The following PRR18 variants were observed in gnomAD, a reference collection of about 807,000 sequenced individuals.
PRR18 encodes the protein proline rich 18, also known as proline-rich protein 18.
For synonymous variants in PRR18, 228 were observed against 220.2 expected, an observed-to-expected ratio of 1.04 and a Z score of -0.32; for missense variants, 517 against 437.4, an observed-to-expected ratio of 1.18 and a Z score of -1.62.
chr6:166,307,736 C>A lies in PRR18; in HGVS notation c.407G>T (p.Cys136Phe). The change falls in exon 1 of 1, where the codon TGC (cysteine) becomes TTC (phenylalanine). Residue 136 changes from cysteine (C) to phenylalanine (F), a missense_variant. Physicochemically the swap from Cys to Phe is radical, Grantham distance 205. Coordinates refer to ENST00000322583, the MANE Select transcript of PRR18 (RefSeq NM_175922.4). ...GACGGCCTCGGGGGTGAGATTCAGG[C>A]AGAAGCGCGCAGCGGAGTCTGGACA... is the stretch of plus-strand genomic sequence containing the variant. ...GPCPDSAARF[C>F]LNLTPEAVLV... 6.6e-7 allele frequency: 1 copy of A among 1,522,396 alleles called. No homozygotes were observed. The highest frequency in any genetic ancestry group is 1.4e-5 in the African/African-American group (1 of 69,822). The allele number at this position is 1,522,396 out of a possible 1,614,324, so 94.3% of individuals were successfully genotyped here. A position where few individuals can be genotyped will look rare whatever the true frequency, so the allele number is the denominator to read the frequency against.
In PRR18 at chr6:166,308,200, C is replaced by G; in HGVS notation, c.-58G>C. On this transcript the variant is annotated 5_prime_UTR_variant, in exon 1 of 1. Coordinates refer to ENST00000322583, the MANE Select transcript of PRR18 (RefSeq NM_175922.4). ...GGAAAGAGAGGCGGGCGCTCAGCCA[C>G]TGTGCGCGGAGCGGGTCCCCGCAGT... 2 of 1,225,284 alleles carry G rather than the reference C, an allele frequency of 1.6e-6. No individual in the cohort carries two copies. Among genetic ancestry groups the G allele is most frequent in the Non-Finnish European group, 2.0e-6 (2 of 981,882 alleles). 75.9% of individuals were successfully genotyped at this position (1,225,284 alleles called of 1,614,324 possible).
In PRR18 at chr6:166,307,513, G is replaced by C. The variant is rs1046023754; in HGVS notation, c.630C>G (p.Pro210=). ...TAGQGRRAPP[P]GAQLLHGGLQ... ...GGCCGCCGTGCAGCAGCTGGGCGCC[G>C]GGCGGAGGCGCGCGGCGGCCCTGGC... is the stretch of plus-strand genomic sequence containing the variant. The change falls in exon 1 of 1, where the codon CCC becomes CCG. Residue 210 remains proline (P), a synonymous_variant. Transcript: ENST00000322583. 1 of 1,242,778 alleles carries C rather than the reference G, an allele frequency of 8.0e-7. No homozygotes were observed. The highest frequency in any genetic ancestry group is 1.0e-6 in the Non-Finnish European group (1 of 995,076). The allele number at this position is 1,242,778 out of a possible 1,614,324, so 77.0% of individuals were successfully genotyped here.
At position 166,307,409 on chromosome 6, in the gene PRR18, C is replaced by A; in HGVS notation, c.734G>T (p.Arg245Met). Reference protein sequence around the residue: ...LKVSLLNERHRYDDVEYEEEP... With the variant: ...LKVSLLNERHMYDDVEYEEEP... ...CTCCTCGTACTCCACGTCGTCGTAC[C>A]TGTGCCGCTCGTTGAGCAGCGACAC... The change falls in exon 1 of 1, where the codon AGG becomes ATG. Residue 245 changes from arginine to methionine, a missense_variant. By Grantham distance (91) the Arg-to-Met change is moderately conservative (BLOSUM62 -1). Transcript: ENST00000322583. 2 of 1,562,508 alleles carry A rather than the reference C, an allele frequency of 1.3e-6. No homozygotes were observed. The highest frequency in any genetic ancestry group is 2.5e-5 in the East Asian group (1 of 39,376).
In PRR18 at chr6:166,306,463, A is replaced by C. The variant is rs1412388124; in HGVS notation, c.*792T>G. On this transcript the variant is annotated 3_prime_UTR_variant, in exon 1 of 1. Coordinates refer to ENST00000322583, the MANE Select transcript of PRR18 (RefSeq NM_175922.4). Reference sequence around the variant, plus strand: ...TCAGATACATGGAAGAAATATGTAGAAATCAGCCTCCAGTTAGCGGGGGAA... The same window carrying C: ...TCAGATACATGGAAGAAATATGTAGCAATCAGCCTCCAGTTAGCGGGGGAA... The C allele has an allele frequency of 6.6e-6, 1 of 152,118 alleles. No homozygotes were observed. The highest frequency in any genetic ancestry group is 2.4e-5 in the African/African-American group (1 of 41,350). 9.4% of individuals were successfully genotyped at this position (152,118 alleles called of 1,614,324 possible).
At position 166,307,916 on chromosome 6, in the gene PRR18, G is replaced by T; in HGVS notation, c.227C>A (p.Ser76Tyr). 5 of 1,225,030 alleles carry T rather than the reference G, an allele frequency of 4.1e-6. No homozygotes were observed. Among genetic ancestry groups the T allele is most frequent in the Non-Finnish European group, 5.1e-6 (5 of 981,538 alleles). The allele number at this position is 1,225,030 out of a possible 1,614,324, so 75.9% of individuals were successfully genotyped here. Residue 76 changes from serine to tyrosine, a missense_variant, in exon 1 of 1, where the codon TCC becomes TAC. Ser to Tyr is a moderately radical substitution (Grantham distance 144). Transcript: ENST00000322583. ...CGCGCGGCTGGGCAAGGCCTGGGGG[G>T]AGACGCCCGGAGGGGCCGGCGGCTG... Reference protein sequence around the residue: ...RTQPPAPPGVSPQALPSRARA... With the variant: ...RTQPPAPPGVYPQALPSRARA...
In PRR18 at chr6:166,308,276, T is replaced by G; in HGVS notation, c.-134A>C. 3 of 871,552 alleles carry G rather than the reference T, an allele frequency of 3.4e-6. No homozygotes were observed. Among genetic ancestry groups the G allele is most frequent in the Non-Finnish European group, 3.0e-6 (2 of 659,730 alleles). 54.0% of individuals were successfully genotyped at this position (871,552 alleles called of 1,614,324 possible). On this transcript the variant is annotated 5_prime_UTR_variant, in exon 1 of 1. Transcript: ENST00000322583. ...GCGTCCAGCCGCGGCCTCTCCGGCT[T>G]CCTCACATCCCAGCGACCAAACCCG... is the stretch of plus-strand genomic sequence containing the variant.
chr6:166,307,448 C>T lies in PRR18; in HGVS notation c.695G>A (p.Arg232Gln). The T allele has an allele frequency of 1.9e-6, 3 of 1,541,020 alleles. No individual in the cohort carries two copies. The highest frequency in any genetic ancestry group is 2.6e-6 in the Non-Finnish European group (3 of 1,152,954). ...PQLSPRPGAL[R>Q]PMLKVSLLNE... ...GAGCAGCGACACCTTGAGCATCGGC[C>T]GCAGGGCCCCGGGCCGCGGGCTGAG... is the stretch of plus-strand genomic sequence containing the variant. The change falls in exon 1 of 1, where the codon CGG becomes CAG. Residue 232 changes from arginine to glutamine, a missense_variant. By Grantham distance (43) the Arg-to-Gln change is conservative (BLOSUM62 1). Transcript: ENST00000322583.
At position 166,307,623 on chromosome 6, in the gene PRR18, G is replaced by A. The variant is rs1778123098; in HGVS notation, c.520C>T (p.Leu174=). The change falls in exon 1 of 1, where the codon CTA becomes TTA. Residue 174 remains leucine (L), a synonymous_variant. Transcript: ENST00000322583. ...CTAGCCGGGAGACACGGGGCGAGTA[G>A]GCGCCTGGGTTCGGCCGAGGGTGAG... ...FPSPSAEPRR[L]LAPCLPARAA... 2.2e-6 allele frequency: 3 copies of A among 1,348,686 alleles called. No homozygotes were observed. The highest frequency in any genetic ancestry group is 2.9e-6 in the Non-Finnish European group (3 of 1,044,320). 83.5% of individuals were successfully genotyped at this position (1,348,686 alleles called of 1,614,324 possible).
Position 166,307,856 on chromosome 6 carries a change from G to T in PRR18, c.287C>A (p.Ala96Glu), listed in dbSNP as rs1351171665. ...CCTCGCTGGGCTGTGGCCGGAGCCTGCCGGCCGGGGCGGGGCGCACGTGGC... is the reference window on the plus strand; with the variant it reads ...CCTCGCTGGGCTGTGGCCGGAGCCTTCCGGCCGGGGCGGGGCGCACGTGGC... ...APATCAPPRP[A>E]GSGHSPARTT... Residue 96 changes from alanine (A) to glutamate (E), a missense_variant, in exon 1 of 1, where the codon GCA becomes GAA. Physicochemically the swap from Ala to Glu is moderately radical, Grantham distance 107 (BLOSUM62 -1). Coordinates refer to ENST00000322583, the MANE Select transcript of PRR18 (RefSeq NM_175922.4). The T allele has an allele frequency of 1.6e-6, 2 of 1,261,192 alleles. No individual in the cohort carries two copies. Among genetic ancestry groups the T allele is most frequent in the East Asian group, 6.4e-5 (2 of 31,434 alleles). 78.1% of individuals were successfully genotyped at this position (1,261,192 alleles called of 1,614,324 possible).
At position 166,307,769 on chromosome 6, in the gene PRR18, GC is replaced by G. The variant is rs1246945360; in HGVS notation, c.373del (p.Ala125ArgfsTer13). The stretch of plus-strand genomic sequence containing the variant: ...CGCAGCGGAGTCTGGACAAGGCCCC[GC>G]CCCCGAGGAGGTGCCCGCGGCGGTG... ...GTTAAGTSSG[A>X]GPCPDSAARF... On this transcript the variant is annotated frameshift_variant, in exon 1 of 1. Coordinates refer to ENST00000322583, the MANE Select transcript of PRR18 (RefSeq NM_175922.4). LOFTEE classifies it low-confidence loss of function (END_TRUNC). 3.4e-6 allele frequency: 5 copies of G among 1,491,684 alleles called. No individual in the cohort carries two copies. Among genetic ancestry groups the G allele is most frequent in the Admixed American group, 2.1e-5 (1 of 48,088 alleles). The allele number at this position is 1,491,684 out of a possible 1,614,324, so 92.4% of individuals were successfully genotyped here.
Position 166,308,014 on chromosome 6 carries a change from G to A in PRR18, c.129C>T (p.Leu43=), listed in dbSNP as rs937116365. ...TGGCGGAGGGCCAGGAGCTGGAGAG[G>A]AGCCCCTCGGGCCGCTGTGGGGGCC... ...KKRPPQRPEG[L]LSSSWPSATL... Residue 43 remains leucine, a synonymous_variant, in exon 1 of 1, where the codon CTC becomes CTT. Transcript: ENST00000322583. 1 of 1,239,476 alleles carries A rather than the reference G, an allele frequency of 8.1e-7. No individual in the cohort carries two copies. Among genetic ancestry groups the A allele is most frequent in the Non-Finnish European group, 1.0e-6 (1 of 984,920 alleles). The allele number at this position is 1,239,476 out of a possible 1,614,324, so 76.8% of individuals were successfully genotyped here.
chr6:166,307,551 G>C lies in PRR18; in HGVS notation c.592C>G (p.Pro198Ala), dbSNP rs1482692171. 27 of 1,211,346 alleles carry C rather than the reference G, an allele frequency of 2.2e-5. No individual in the cohort carries two copies. Among genetic ancestry groups the C allele is most frequent in the East Asian group, 3.4e-5 (1 of 29,738 alleles). 75.0% of individuals were successfully genotyped at this position (1,211,346 alleles called of 1,614,324 possible). A position where few individuals can be genotyped will look rare whatever the true frequency, so the allele number is the denominator to read the frequency against. ...RGGPASDPDA[P>A]PTAGQGRRAP... is the part of the protein sequence containing the mutation. ...CGGCGGCCCTGGCCGGCGGTGGGGG[G>C]TGCGTCGGGGTCGCTGGCGGGGCCG... Residue 198 changes from proline to alanine, a missense_variant, in exon 1 of 1, where the codon CCC becomes GCC. Physicochemically the swap from Pro to Ala is conservative, Grantham distance 27 (BLOSUM62 -1). Transcript: ENST00000322583.
At position 166,307,363 on chromosome 6, in the gene PRR18, C is replaced by A; in HGVS notation, c.780G>T (p.Glu260Asp). Residue 260 changes from glutamate (E) to aspartate (D), a missense_variant, in exon 1 of 1, where the codon GAG (glutamate) becomes GAT (aspartate). Physicochemically the swap from Glu to Asp is conservative, Grantham distance 45. Transcript: ENST00000322583. ...EYEEEPEAVD[E>D]GLVRKCTEWL... Reference sequence around the variant, plus strand: ...ACTCCGTGCACTTGCGTACCAGGCCCTCGTCCACCGCCTCTGGCTCCTCCT... The same window carrying A: ...ACTCCGTGCACTTGCGTACCAGGCCATCGTCCACCGCCTCTGGCTCCTCCT... 1 of 1,581,060 alleles carries A rather than the reference C, an allele frequency of 6.3e-7. No individual in the cohort carries two copies. The highest frequency in any genetic ancestry group is 1.4e-5 in the African/African-American group (1 of 72,402).
rs758282551 is a variant in PRR18 at position 166,307,627 on chromosome 6, C to T, written c.516G>A (p.Arg172=). The part of the protein sequence containing the change: ...RPFPSPSAEP[R]RLLAPCLPAR... Reference sequence around the variant, plus strand: ...CCGGGAGACACGGGGCGAGTAGGCGCCTGGGTTCGGCCGAGGGTGAGGGGA... The same window carrying T: ...CCGGGAGACACGGGGCGAGTAGGCGTCTGGGTTCGGCCGAGGGTGAGGGGA... The change falls in exon 1 of 1, where the codon AGG becomes AGA. Residue 172 remains arginine (R), a synonymous_variant. Coordinates refer to ENST00000322583, the MANE Select transcript of PRR18 (RefSeq NM_175922.4). 8.8e-6 allele frequency: 12 copies of T among 1,365,936 alleles called. No homozygotes were observed. In the South Asian group the frequency reaches 2.0e-4, roughly 22 times the overall value. The allele number at this position is 1,365,936 out of a possible 1,614,324, so 84.6% of individuals were successfully genotyped here. A position where few individuals can be genotyped will look rare whatever the true frequency, so the allele number is the denominator to read the frequency against.
chr6:166,307,504 C>G lies in PRR18; in HGVS notation c.639G>C (p.Gln213His). The G allele has an allele frequency of 1.6e-6, 2 of 1,284,054 alleles. 1 individual carries two copies. 79.5% of individuals were successfully genotyped at this position (1,284,054 alleles called of 1,614,324 possible). ...GAACCTGCAGGCCGCCGTGCAGCAG[C>G]TGGGCGCCGGGCGGAGGCGCGCGGC... ...QGRRAPPPGAQLLHGGLQVPQ... is the reference protein window; with the variant it reads ...QGRRAPPPGAHLLHGGLQVPQ... Residue 213 changes from glutamine to histidine, a missense_variant, in exon 1 of 1, where the codon CAG becomes CAC. Coordinates refer to ENST00000322583, the MANE Select transcript of PRR18 (RefSeq NM_175922.4).
Position 166,308,062 on chromosome 6 carries a change from G to A in PRR18, c.81C>T (p.Cys27=). Residue 27 remains cysteine (C), a synonymous_variant, in exon 1 of 1, where the codon TGC becomes TGT. Coordinates refer to ENST00000322583, the MANE Select transcript of PRR18 (RefSeq NM_175922.4). ...GCCTCTTCTTCTTGTCCCCCGCGGC[G>A]CAGGGCCTCCGGGGTAACTGGCGCG... ...QAARQLPRRP[C]AAGDKKKRPP... 8.1e-7 allele frequency: 1 copy of A among 1,238,414 alleles called. No individual in the cohort carries two copies. Among genetic ancestry groups the A allele is most frequent in the African/African-American group, 1.6e-5 (1 of 64,268 alleles). The allele number at this position is 1,238,414 out of a possible 1,614,324, so 76.7% of individuals were successfully genotyped here. A position where few individuals can be genotyped will look rare whatever the true frequency, so the allele number is the denominator to read the frequency against.
At position 166,305,575 on chromosome 6, in the gene PRR18, A is replaced by T. The variant is rs1218104477; in HGVS notation, c.*1680T>A. ...TGTATTGTGGCCAGTTAAGAACAGG[A>T]GATGCTGGGACAGAGCCTACAGAAA... On this transcript the variant is annotated 3_prime_UTR_variant, in exon 1 of 1. Transcript: ENST00000322583. The T allele has an allele frequency of 2.6e-5, 4 of 152,248 alleles. No individual in the cohort carries two copies. The highest frequency in any genetic ancestry group is 2.9e-5 in the Non-Finnish European group (2 of 68,054). The allele number at this position is 152,248 out of a possible 1,614,324, so 9.4% of individuals were successfully genotyped here.
chr6:166,307,869 G>C lies in PRR18; in HGVS notation c.274C>G (p.Pro92Ala). 1 of 1,252,540 alleles carries C rather than the reference G, an allele frequency of 8.0e-7. No homozygotes were observed. 77.6% of individuals were successfully genotyped at this position (1,252,540 alleles called of 1,614,324 possible). A position where few individuals can be genotyped will look rare whatever the true frequency, so the allele number is the denominator to read the frequency against. ...SRARAPATCAPPRPAGSGHSP... is the reference protein window; with the variant it reads ...SRARAPATCAAPRPAGSGHSP... ...TGGCCGGAGCCTGCCGGCCGGGGCG[G>C]GGCGCACGTGGCTGGGGCCCGCGCG... The change falls in exon 1 of 1, where the codon CCG becomes GCG. Residue 92 changes from proline to alanine, a missense_variant. By Grantham distance (27) the Pro-to-Ala change is conservative (BLOSUM62 -1). Coordinates refer to ENST00000322583, the MANE Select transcript of PRR18 (RefSeq NM_175922.4).
In PRR18 at chr6:166,307,459, G is replaced by C. The variant is rs1474442338; in HGVS notation, c.684C>G (p.Pro228=). Residue 228 remains proline, a synonymous_variant, in exon 1 of 1, where the codon CCC becomes CCG. Coordinates refer to ENST00000322583, the MANE Select transcript of PRR18 (RefSeq NM_175922.4). ...CCTTGAGCATCGGCCGCAGGGCCCC[G>C]GGCCGCGGGCTGAGCTGGGGAACCT... ...GLQVPQLSPR[P]GALRPMLKVS... 20 of 1,527,952 alleles carry C rather than the reference G, an allele frequency of 1.3e-5. No individual in the cohort carries two copies. The highest frequency in any genetic ancestry group is 1.7e-5 in the Non-Finnish European group (19 of 1,146,226). The allele number at this position is 1,527,952 out of a possible 1,614,324, so 94.6% of individuals were successfully genotyped here. A position where few individuals can be genotyped will look rare whatever the true frequency, so the allele number is the denominator to read the frequency against.
Sources: allele counts gnomAD v4.1 joint callset, GRCh38; gene constraint gnomAD v4.1.1; transcripts MANE v1.5; gene names NCBI Gene and HGNC (gene_info 2026-07-23, HGNC 2026-07-21).